PSD3: variants seen among roughly 807,000 people sequenced by gnomAD.
The protein encoded by PSD3 is PH and SEC7 domain-containing protein 3.
A neutral mutation model predicts 105.5 loss-of-function variants in PSD3; 49 were observed. The observed-to-expected ratio is 0.46, with a 90% CI of 0.37 to 0.59. The LOEUF (loss-of-function observed/expected upper bound fraction) is 0.59, where lower values mean the gene tolerates loss of function less well. Ranked by LOEUF, PSD3 falls within the 20% of genes least tolerant of loss-of-function variation. The pLI is 0.00. For missense variants in PSD3, 1,561 were observed against 1,263.8 expected (o/e 1.24, Z -3.57); for synonymous variants, 557 against 457.8 (o/e 1.22, Z -2.77).
intron 9 of PSD3, among the ~76,000 whole-genome samples, chr8:18,688,640 T>C (rs6988407): frequency 0.051 from 7,824 of 152,322 alleles, 627 homozygotes; most frequent in East Asian, 0.24. Flanking sequence ...AATTGTTTTC[T>C]GAACAAGTCT....
At chr8:18,656,383 A>C (rs2130856068) in intron 9 of PSD3, among the ~76,000 whole-genome samples, 1 of 151,942 alleles carries the variant, frequency 6.6e-6, no homozygotes, top group East Asian at 1.9e-4. Flanking sequence ...TTAATGAAAG[A>C]AATAGAATTG....
intron 4 of PSD3, chr8:18,854,108 A>G (rs1160530679): frequency 1.3e-5 from 2 of 152,300 alleles, no homozygotes; most frequent in Non-Finnish European, 2.9e-5. Flanking sequence ...CTTCGTCAGC[A>G]AACAGTCTGC....
intron 9 of PSD3, among the ~76,000 whole-genome samples, chr8:18,725,299 TACAA>T (rs899301164): frequency 6.6e-6 from 1 of 152,156 alleles, no homozygotes; most frequent in Non-Finnish European, 1.5e-5. Flanking sequence ...GAAGAGGGGC[TACAA>T]ACAGACAAGG....
intron 1 of PSD3, among the ~76,000 whole-genome samples, chr8:19,057,842 C>A (rs1050018919): frequency 6.6e-6 from 1 of 152,106 alleles, no homozygotes; most frequent in Non-Finnish European, 1.5e-5. Flanking sequence ...TGCTGGTGGG[C>A]GTGCAAAATG....
intron 4 of PSD3, among the ~76,000 whole-genome samples, chr8:18,833,205 C>A (rs1489631949): frequency 6.6e-6 from 1 of 152,118 alleles, no homozygotes; most frequent in African/African-American, 2.4e-5. Context: ...AAGCCCCAGG[C>A]AAGATAACAA....
chr8:19,074,681 C>A (rs1479807013), intron 1 of PSD3, among the ~76,000 whole-genome samples: 2 of 129,234 alleles, frequency 1.5e-5, no homozygotes, highest in Non-Finnish European at 3.1e-5. Context: ...AGTGCAGTGA[C>A]GCGATCGCAG....
chr8:18,831,790 T>G (rs1029970008), intron 4 of PSD3, among the ~76,000 whole-genome samples: 1 of 152,062 alleles, frequency 6.6e-6, no homozygotes, highest in East Asian at 1.9e-4. Flanking sequence ...CATGAAGACA[T>G]GTTGCAAATA....
At chr8:18,773,474 C>G (rs1563249655) in intron 8 of PSD3, among the ~76,000 whole-genome samples, 1 of 152,024 alleles carries the variant, frequency 6.6e-6, no homozygotes, top group Non-Finnish European at 1.5e-5. Context: ...ACCTTGAACT[C>G]TCATATGATT....
chr8:18,705,816 G>A (rs1387907737), intron 9 of PSD3, among the ~76,000 whole-genome samples: 3 of 152,162 alleles, frequency 2.0e-5, no homozygotes, highest in Admixed American at 2.0e-4. Flanking sequence ...TCGTGATCAA[G>A]AAAGTGGAAT....
At chr8:18,981,380 G>A (rs774688965) in intron 1 of PSD3, among the ~76,000 whole-genome samples, 2 of 152,200 alleles carry the variant, frequency 1.3e-5, no homozygotes, top group Non-Finnish European at 2.9e-5. Flanking sequence ...TCCAGTGCCA[G>A]ACTAAATGAA....
intron 4 of PSD3, among the ~76,000 whole-genome samples, chr8:18,814,883 CA>C (rs2129448698): frequency 6.6e-6 from 1 of 152,260 alleles, no homozygotes; most frequent in Admixed American, 6.5e-5. Context: ...ATGCACTGGA[CA>C]TCAGAAGCTG....
intron 9 of PSD3, among the ~76,000 whole-genome samples, chr8:18,655,899 T>G (rs907937492): frequency 3.3e-5 from 5 of 152,152 alleles, no homozygotes; most frequent in Non-Finnish European, 5.9e-5. Flanking sequence ...TTTCACAAAG[T>G]TATAACTGTC....
intron 1 of PSD3, among the ~76,000 whole-genome samples, chr8:18,953,482 C>G (rs1823373465): frequency 6.6e-6 from 1 of 152,176 alleles, no homozygotes; most frequent in Admixed American, 6.5e-5. Context: ...GGTGTGGTGG[C>G]TCACGCCTGT....
At chr8:18,806,797 C>T (rs1459643103) in intron 4 of PSD3, among the ~76,000 whole-genome samples, 4 of 152,152 alleles carry the variant, frequency 2.6e-5, no homozygotes, top group Non-Finnish European at 5.9e-5. Context: ...TAACCATTTA[C>T]TGTCTAAACC....
chr8:18,722,055 G>C (rs951523729), intron 9 of PSD3, among the ~76,000 whole-genome samples: 2 of 151,890 alleles, frequency 1.3e-5, no homozygotes, highest in Admixed American at 6.6e-5. Flanking sequence ...GACTATGATT[G>C]TTGAGCCTTG....
intron 1 of PSD3, among the ~76,000 whole-genome samples, chr8:19,068,726 G>A (rs1043572466): frequency 1.3e-5 from 2 of 151,068 alleles, no homozygotes; most frequent in African/African-American, 4.9e-5. Context: ...AAACATGCAC[G>A]TTGTGCACAT....
At chr8:18,799,220 AT>A in intron 8 of PSD3, 74 bp downstream of exon 8, 1 of 1,318,850 alleles carries the variant, frequency 7.6e-7, no homozygotes, top group South Asian at 1.2e-5. Flanking sequence ...GAGGCAGAAA[AT>A]AAATGTGTTT....
intron 1 of PSD3, among the ~76,000 whole-genome samples, chr8:19,056,829 C>T (rs994560228): frequency 2.0e-5 from 3 of 152,048 alleles, no homozygotes; most frequent in Admixed American, 2.0e-4. Flanking sequence ...AAAAAGAATA[C>T]AATAAAGGGA....
At chr8:18,865,224 T>C (rs560032785) in intron 4 of PSD3, 7 of 64,560 alleles carry the variant, frequency 1.1e-4, no homozygotes, top group Non-Finnish European at 1.6e-4. Context: ...AGATTCTATG[T>C]TATATATATA....
Sources: allele counts gnomAD v4.1 joint callset (sites outside exome capture counted in the v4.1 genomes callset), GRCh38; gene constraint gnomAD v4.1.1; transcripts MANE v1.5; gene names NCBI Gene and HGNC (gene_info 2026-07-23, HGNC 2026-07-21).